RALGPS1: variants seen among roughly 807,000 people sequenced by gnomAD.
The protein encoded by RALGPS1 is ras-specific guanine nucleotide-releasing factor RalGPS1.
A neutral mutation model predicts 78.8 loss-of-function variants in RALGPS1; 19 were observed. That is an observed-to-expected ratio of 0.24 (90% CI 0.17 to 0.35). The LOEUF (loss-of-function observed/expected upper bound fraction) is 0.35, where lower values mean the gene tolerates loss of function less well. Ranked by LOEUF, RALGPS1 falls within the 10% of genes least tolerant of loss-of-function variation. RALGPS1 has a pLI of 1.00. For synonymous variants in RALGPS1, 228 were observed against 256.3 expected (o/e 0.89, Z 1.06); for missense variants, 454 against 688.3 (o/e 0.66, Z 3.81).
At chr9:127,157,334 CTTCATTAGTT>C (rs1270469264) in intron 8 of RALGPS1, among the ~76,000 whole-genome samples, 2 of 151,934 alleles carry the variant, frequency 1.3e-5, no homozygotes, top group Non-Finnish European at 2.9e-5. Context: ...GATATTTTTA[CTTCATTAGTT>C]TTTACCTGAA....
At chr9:126,937,992 G>A (rs761314293) in intron 1 of RALGPS1, among the ~76,000 whole-genome samples, 9 of 152,160 alleles carry the variant, frequency 5.9e-5, no homozygotes, top group Non-Finnish European at 1.3e-4. Flanking sequence ...TACATTACTG[G>A]TGGGAATCTG....
intron 8 of RALGPS1, among the ~76,000 whole-genome samples, 191 bp from the exon 9 acceptor site, chr9:127,165,878 A>T (rs1204021057): frequency 6.6e-6 from 1 of 152,226 alleles, no homozygotes; most frequent in Non-Finnish European, 1.5e-5. Flanking sequence ...TGTTGCTCAG[A>T]TGTTTGATTT....
At chr9:126,953,212 G>T (rs2038025729) in intron 1 of RALGPS1, among the ~76,000 whole-genome samples, 1 of 152,138 alleles carries the variant, frequency 6.6e-6, no homozygotes, top group African/African-American at 2.4e-5. Flanking sequence ...ACCAGATTCT[G>T]TCATAAGCAG....
intron 11 of RALGPS1, among the ~76,000 whole-genome samples, chr9:127,193,213 A>G (rs1321781858): frequency 6.6e-6 from 1 of 152,148 alleles, no homozygotes; most frequent in East Asian, 1.9e-4. Context: ...GCCAGTGTGA[A>G]TGGAGGTGTG....
At chr9:126,935,124 C>T (rs2036141925) in intron 1 of RALGPS1, among the ~76,000 whole-genome samples, 1 of 152,228 alleles carries the variant, frequency 6.6e-6, no homozygotes, top group African/African-American at 2.4e-5. Flanking sequence ...CGGGAGCTCT[C>T]CTTTCCTTAA....
intron 14 of RALGPS1, among the ~76,000 whole-genome samples, chr9:127,210,001 G>A (rs1281188960): frequency 6.6e-6 from 1 of 152,250 alleles, no homozygotes; most frequent in African/African-American, 2.4e-5. Flanking sequence ...CGGGAAGTGA[G>A]TCTTCTAAGA....
chr9:127,155,061 T>C (rs1258773093), intron 8 of RALGPS1, among the ~76,000 whole-genome samples: 1 of 152,174 alleles, frequency 6.6e-6, no homozygotes, highest in Non-Finnish European at 1.5e-5. Flanking sequence ...CTGAGAAATA[T>C]GAGTATTTAG....
intron 8 of RALGPS1, among the ~76,000 whole-genome samples, chr9:127,105,083 GTC>G (rs2054089980): frequency 6.6e-6 from 1 of 152,140 alleles, no homozygotes; most frequent in Non-Finnish European, 1.5e-5. Context: ...CCTGGGCTCT[GTC>G]TACCCATTCA....
At chr9:127,153,369 G>C (rs72764395) in intron 8 of RALGPS1, among the ~76,000 whole-genome samples, 237 of 140,934 alleles carry the variant, frequency 1.7e-3, no homozygotes, top group Admixed American at 2.9e-3. Context: ...GTATGCTAGA[G>C]GATTACTTTT....
chr9:127,199,199 A>G, intron 14 of RALGPS1, 133 bp downstream of exon 14: 1 of 856,654 alleles, frequency 1.2e-6, no homozygotes, highest in Non-Finnish European at 2.0e-6. Flanking sequence ...CCTTCAGCAG[A>G]CTGGCTGGGG....
At chr9:127,061,639 G>A (rs1473590813) in intron 7 of RALGPS1, among the ~76,000 whole-genome samples, 1 of 152,020 alleles carries the variant, frequency 6.6e-6, no homozygotes, top group Non-Finnish European at 1.5e-5. Context: ...TTGTGGCCTC[G>A]GGTCCTCTCC....
chr9:126,927,779 G>C (rs1564263303), intron 1 of RALGPS1, among the ~76,000 whole-genome samples: 2 of 152,188 alleles, frequency 1.3e-5, no homozygotes, highest in African/African-American at 4.8e-5. Context: ...GTTCAGGATG[G>C]ATCTGCAACC....
intron 4 of RALGPS1, among the ~76,000 whole-genome samples, chr9:127,018,194 G>A (rs1462862679): frequency 6.6e-6 from 1 of 151,704 alleles, no homozygotes; most frequent in Non-Finnish European, 1.5e-5. Flanking sequence ...CAGCCTGAGT[G>A]ACAGCAAGAC....
chr9:127,170,227 T>C (rs1427528900), intron 10 of RALGPS1, among the ~76,000 whole-genome samples: 1 of 152,068 alleles, frequency 6.6e-6, no homozygotes, highest in Non-Finnish European at 1.5e-5. Flanking sequence ...GAACGGATGT[T>C]CAAGCAGTGT....
At chr9:127,184,098 G>A in intron 11 of RALGPS1, 1 of 1,516,912 alleles carries the variant, frequency 6.6e-7, no homozygotes. Flanking sequence ...AGCCGAAGCA[G>A]GAGGATCACT....
At chr9:126,968,567 G>C (rs886299339) in intron 3 of RALGPS1, among the ~76,000 whole-genome samples, 11 of 152,104 alleles carry the variant, frequency 7.2e-5, no homozygotes, top group Non-Finnish European at 1.5e-4. Flanking sequence ...TTTCATAACA[G>C]CTTTATAAAT....
intron 1 of RALGPS1, among the ~76,000 whole-genome samples, chr9:126,918,673 AT>A (rs74944435): frequency 2.8e-3 from 377 of 132,530 alleles, no homozygotes; most frequent in African/African-American, 4.2e-3. Flanking sequence ...TCACACATGG[AT>A]TTTTTTTTTT....
intron 1 of RALGPS1, among the ~76,000 whole-genome samples, chr9:126,916,798 TCCCCAAAAGAAGAC>T (rs1044830554): frequency 4.7e-4 from 71 of 151,584 alleles, no homozygotes; most frequent in African/African-American, 1.6e-3. Context: ...CACACAAAAA[TCCCCAAAAGAAGAC>T]CCCCAAAAGA....
chr9:126,979,194 C>G (rs1019294731), intron 4 of RALGPS1, among the ~76,000 whole-genome samples: 1 of 151,638 alleles, frequency 6.6e-6, no homozygotes, highest in African/African-American at 2.4e-5. Context: ...TAGCTTTGTT[C>G]AGCATTTATG....
Sources: allele counts gnomAD v4.1 joint callset (sites outside exome capture counted in the v4.1 genomes callset), GRCh38; gene constraint gnomAD v4.1.1; transcripts MANE v1.5; gene names NCBI Gene and HGNC (gene_info 2026-07-23, HGNC 2026-07-21).